Variants in TOM1L2 observed in about 807,000 individuals in gnomAD.
TOM1L2 encodes TOM1-like protein 2.
TOM1L2 carries 31 observed loss-of-function variants against 67.9 expected under a neutral mutation model. The observed-to-expected ratio is 0.46, with a 90% confidence interval of 0.34 to 0.62. The LOEUF is 0.62. TOM1L2 is among the 20% of genes least tolerant of loss of function. TOM1L2 has a pLI of 0.01. For synonymous variants in TOM1L2, 256 were observed against 254.0 expected, an observed-to-expected ratio of 1.01 and a Z score of -0.07; for missense variants, 606 against 663.5, an observed-to-expected ratio of 0.91 and a Z score of 0.95.
chr17:17,852,864 T>TTA (rs1555579521), intron 12 of TOM1L2, among the ~76,000 whole-genome samples: 6 of 37,728 alleles, frequency 1.6e-4, no homozygotes, highest in South Asian at 1.6e-3. Context: ...AAACTCTGTC[T>TTA]AAAAAAAAAA....
intron 1 of TOM1L2, among the ~76,000 whole-genome samples, chr17:17,943,177 C>T (rs2040807056): frequency 6.6e-6 from 1 of 152,148 alleles, no homozygotes; most frequent in Non-Finnish European, 1.5e-5. Flanking sequence ...AAAAATACTT[C>T]ATCTCCTGGA....
intron 1 of TOM1L2, among the ~76,000 whole-genome samples, chr17:17,917,872 TTGAGCCCGGGAGGTCAAGGCTGCAC>T (rs2039695387): frequency 6.6e-6 from 1 of 151,964 alleles, no homozygotes; most frequent in African/African-American, 2.4e-5. Flanking sequence ...GGAGGATGAC[TTGAGCCCGGGAGGTCAAGGCTGCAC>T]TGAGCCGTAA....
At chr17:17,907,643 A>G (rs1223292232) in intron 1 of TOM1L2, 112 bp from the exon 2 acceptor site, 11 of 830,380 alleles carry the variant, frequency 1.3e-5, no homozygotes, top group Non-Finnish European at 2.1e-5. Flanking sequence ...AGATGGGCTG[A>G]GCCAACAGAG....
At chr17:17,943,333 C>A (rs113119874) in intron 1 of TOM1L2, among the ~76,000 whole-genome samples, 47 of 152,232 alleles carry the variant, frequency 3.1e-4, no homozygotes, top group African/African-American at 1.1e-3. Context: ...CTAATTAGAG[C>A]TAGGGAGTTA....
intron 1 of TOM1L2, among the ~76,000 whole-genome samples, chr17:17,950,548 T>C (rs1229318368): frequency 2.0e-5 from 3 of 152,176 alleles, no homozygotes; most frequent in East Asian, 3.8e-4. Flanking sequence ...GCACTGCACC[T>C]GGTCGCTGTT....
intron 3 of TOM1L2, among the ~76,000 whole-genome samples, chr17:17,894,267 A>C (rs1165137480): frequency 6.6e-6 from 1 of 152,200 alleles, no homozygotes; most frequent in African/African-American, 2.4e-5. Flanking sequence ...TATGTGAGAA[A>C]GCAAATGCAC....
intron 1 of TOM1L2, among the ~76,000 whole-genome samples, chr17:17,942,078 G>T (rs1307723777): frequency 6.6e-6 from 1 of 152,202 alleles, no homozygotes; most frequent in Non-Finnish European, 1.5e-5. Context: ...GGGCTTATGA[G>T]AACTAACAGC....
intron 7 of TOM1L2, among the ~76,000 whole-genome samples, chr17:17,875,269 G>GAAAAAAA (rs34681423): frequency 7.9e-6 from 1 of 126,614 alleles, no homozygotes; most frequent in Non-Finnish European, 1.6e-5. Context: ...AAGAAAAAAA[G>GAAAAAAA]AAAAAAAAAA....
At chr17:17,863,741 G>A (rs1442699090) in intron 10 of TOM1L2, among the ~76,000 whole-genome samples, 1 of 151,910 alleles carries the variant, frequency 6.6e-6, no homozygotes, top group African/African-American at 2.4e-5. Flanking sequence ...TAGAGACAAG[G>A]TCTCGTTATG....
At chr17:17,862,069 G>A (rs985829765) in intron 11 of TOM1L2, 1 of 154,442 alleles carries the variant, frequency 6.5e-6, no homozygotes, top group Admixed American at 6.5e-5. Flanking sequence ...GGGTACATGG[G>A]ACCTTGGGTT....
In TOM1L2 at chr17:17,972,381, G is replaced by C; in HGVS notation, c.-68C>G. On this transcript the variant is annotated 5_prime_UTR_variant, in exon 1 of 15. Coordinates refer to ENST00000379504, the MANE Select transcript of TOM1L2 (RefSeq NM_001082968.2). ...ACCTAGGCCTCCGCTGTAACCCGCC[G>C]GACTCCCGTCCTGACTGACACTTGC... The C allele has an allele frequency of 7.1e-6, 11 of 1,543,828 alleles. No individual in the cohort carries two copies. Among genetic ancestry groups the C allele is most frequent in the East Asian group, 4.9e-5 (2 of 40,728 alleles).
At chr17:17,872,351 G>C (rs1463039062) in intron 7 of TOM1L2, among the ~76,000 whole-genome samples, 1 of 152,240 alleles carries the variant, frequency 6.6e-6, no homozygotes, top group Non-Finnish European at 1.5e-5. Flanking sequence ...CTAATAGATT[G>C]TTAAAACACA....
intron 1 of TOM1L2, among the ~76,000 whole-genome samples, chr17:17,914,622 C>T (rs1286764011): frequency 6.6e-6 from 1 of 152,218 alleles, no homozygotes; most frequent in East Asian, 1.9e-4. Context: ...TCAAATACTG[C>T]TTCTGTAACT....
chr17:17,893,996 A>G (rs2038427665), intron 3 of TOM1L2, among the ~76,000 whole-genome samples, 186 bp from the exon 4 acceptor site: 1 of 152,194 alleles, frequency 6.6e-6, no homozygotes, highest in African/African-American at 2.4e-5. Flanking sequence ...TCCAGGGATG[A>G]CAGCAGCCCC....
At chr17:17,969,201 C>T (rs976395462) in intron 1 of TOM1L2, among the ~76,000 whole-genome samples, 47 of 152,006 alleles carry the variant, frequency 3.1e-4, no homozygotes, top group African/African-American at 1.1e-3. Context: ...GGATTACAGG[C>T]GCCCACCACC....
chr17:17,913,949 G>C (rs1169386258), intron 1 of TOM1L2, among the ~76,000 whole-genome samples: 1 of 152,186 alleles, frequency 6.6e-6, no homozygotes, highest in Non-Finnish European at 1.5e-5. Context: ...GCCACAGCTT[G>C]AGTTCTGTGA....
chr17:17,946,395 C>T (rs1194687998), intron 1 of TOM1L2, among the ~76,000 whole-genome samples: 1 of 152,170 alleles, frequency 6.6e-6, no homozygotes, highest in Non-Finnish European at 1.5e-5. Context: ...CCTCCTACAA[C>T]CACTAATCTG....
chr17:17,913,414 C>T (rs1396699424), intron 1 of TOM1L2, among the ~76,000 whole-genome samples: 3 of 151,750 alleles, frequency 2.0e-5, no homozygotes, highest in Admixed American at 2.0e-4. Context: ...CATCCTGCCC[C>T]GGCTCTAAGC....
At chr17:17,967,053 C>G (rs1385629757) in intron 1 of TOM1L2, among the ~76,000 whole-genome samples, 2 of 152,114 alleles carry the variant, frequency 1.3e-5, no homozygotes, top group African/African-American at 4.8e-5. Context: ...AATAAACTCC[C>G]CTTAATATAA....
Sources: allele counts gnomAD v4.1 joint callset (sites outside exome capture counted in the v4.1 genomes callset), GRCh38; gene constraint gnomAD v4.1.1; transcripts MANE v1.5; gene names NCBI Gene and HGNC (gene_info 2026-07-23, HGNC 2026-07-21).